Variants in H2BC1 observed in about 807,000 individuals in gnomAD.
The protein encoded by H2BC1 is H2B clustered histone 1.
In H2BC1, 5 loss-of-function variants were observed where a neutral mutation model predicts 5.4. That is an observed-to-expected ratio of 0.92 (90% CI 0.48 to 1.94). The LOEUF is 1.94. Ranked by LOEUF, H2BC1 falls within the 30% of genes most tolerant of loss-of-function variation. H2BC1 has a pLI of 0.01. For missense variants in H2BC1, 210 were observed against 159.1 expected, an observed-to-expected ratio of 1.32 and a Z score of -1.72; for synonymous variants, 131 against 58.2, an observed-to-expected ratio of 2.25 and a Z score of -5.69.
At position 25,726,923 on chromosome 6, in the gene H2BC1, A is replaced by T; in HGVS notation, c.15A>T (p.Ser5=). Residue 5 remains serine (S), a synonymous_variant, in exon 1 of 1, where the codon TCA becomes TCT. Coordinates refer to ENST00000274764, the MANE Select transcript of H2BC1 (RefSeq NM_170610.3). MPEV[S]SKGATISKKG... is the part of the protein sequence containing the mutation. Reference sequence around the variant, plus strand: ...GTGTGGTAGCTATGCCGGAGGTGTCATCTAAAGGTGCTACCATTTCCAAGA... The same window carrying T: ...GTGTGGTAGCTATGCCGGAGGTGTCTTCTAAAGGTGCTACCATTTCCAAGA... The T allele has an allele frequency of 6.2e-7, 1 of 1,613,288 alleles. No individual in the cohort carries two copies. Among genetic ancestry groups the T allele is most frequent in the Non-Finnish European group, 8.5e-7 (1 of 1,179,680 alleles).
In H2BC1 at chr6:25,727,320, C is replaced by T. The variant is rs779958711; in HGVS notation, c.*28C>T. 2 of 1,548,790 alleles carry T rather than the reference C, an allele frequency of 1.3e-6. No homozygotes were observed. The highest frequency in any genetic ancestry group is 1.3e-5 in the South Asian group (1 of 79,500). Reference sequence around the variant, plus strand: ...CTGCTAAGTAAACGTCATTTCTAACCCAAAGGCTCTTTTCAGAGCCACTTA... The same window carrying T: ...CTGCTAAGTAAACGTCATTTCTAACTCAAAGGCTCTTTTCAGAGCCACTTA... On this transcript the variant is annotated 3_prime_UTR_variant, in exon 1 of 1. Coordinates refer to ENST00000274764, the MANE Select transcript of H2BC1 (RefSeq NM_170610.3).
Position 25,726,805 on chromosome 6 carries a change from G to T in H2BC1, c.-104G>T. 3 of 1,371,176 alleles carry T rather than the reference G, an allele frequency of 2.2e-6. No homozygotes were observed. The highest frequency in any genetic ancestry group is 3.0e-6 in the Non-Finnish European group (3 of 1,004,278). The allele number at this position is 1,371,176 out of a possible 1,614,324, so 84.9% of individuals were successfully genotyped here. ...TGTTTACTTGGCGAGACTTGGAGCT[G>T]AGGTCATTTGGAGCTGTTTAATACT... On this transcript the variant is annotated 5_prime_UTR_variant, in exon 1 of 1. Coordinates refer to ENST00000274764, the MANE Select transcript of H2BC1 (RefSeq NM_170610.3).
Position 25,727,300 on chromosome 6 carries a change from A to C in H2BC1, c.*8A>C. 1 of 1,577,358 alleles carries C rather than the reference A, an allele frequency of 6.3e-7. No individual in the cohort carries two copies. The highest frequency in any genetic ancestry group is 8.6e-7 in the Non-Finnish European group (1 of 1,160,968). ...TACACCAGCTCCAAGTAAGCCTGCTAAGTAAACGTCATTTCTAACCCAAAG... is the reference window on the plus strand; with the variant it reads ...TACACCAGCTCCAAGTAAGCCTGCTCAGTAAACGTCATTTCTAACCCAAAG... On this transcript the variant is annotated 3_prime_UTR_variant, in exon 1 of 1. Transcript: ENST00000274764.
Position 25,727,129 on chromosome 6 carries a change from G to A in H2BC1, c.221G>A (p.Arg74His), listed in dbSNP as rs776852235. The change falls in exon 1 of 1, where the codon CGT (arginine) becomes CAT (histidine). Residue 74 changes from arginine (R) to histidine (H), a missense_variant. Physicochemically the swap from Arg to His is conservative, Grantham distance 29. Transcript: ENST00000274764. ...TCCTTCGTCACTGATATCTTTGAGC[G>A]TATAGCGAGCGAGGCATCACGTTTG... ...MNSFVTDIFE[R>H]IASEASRLAH... 1.9e-6 allele frequency: 3 copies of A among 1,614,054 alleles called. No homozygotes were observed. The highest frequency in any genetic ancestry group is 2.7e-5 in the African/African-American group (2 of 74,926).
Position 25,727,130 on chromosome 6 carries a change from T to C in H2BC1, c.222T>C (p.Arg74=), listed in dbSNP as rs373025649. 4 of 1,614,086 alleles carry C rather than the reference T, an allele frequency of 2.5e-6. No individual in the cohort carries two copies. The African/African-American group carries it at 5.3e-5, about 22-fold the overall frequency. Residue 74 remains arginine (R), a synonymous_variant, in exon 1 of 1, where the codon CGT becomes CGC. Coordinates refer to ENST00000274764, the MANE Select transcript of H2BC1 (RefSeq NM_170610.3). ...CCTTCGTCACTGATATCTTTGAGCG[T>C]ATAGCGAGCGAGGCATCACGTTTGG... is the stretch of plus-strand genomic sequence containing the variant. ...MNSFVTDIFE[R]IASEASRLAH...
Position 25,726,865 on chromosome 6 carries a change from C to A in H2BC1, c.-44C>A, listed in dbSNP as rs115737646. 1 of 1,570,942 alleles carries A rather than the reference C, an allele frequency of 6.4e-7. No homozygotes were observed. The highest frequency in any genetic ancestry group is 8.6e-7 in the Non-Finnish European group (1 of 1,161,368). On this transcript the variant is annotated 5_prime_UTR_variant, in exon 1 of 1. Transcript: ENST00000274764. ...TTGAGCACTGGAAAGTGCTGTGTAACCCTGGAAAAGAACCGTGTAACGCTG... is the reference window on the plus strand; with the variant it reads ...TTGAGCACTGGAAAGTGCTGTGTAAACCTGGAAAAGAACCGTGTAACGCTG...
Position 25,726,837 on chromosome 6 carries a change from C to G in H2BC1, c.-72C>G. On this transcript the variant is annotated 5_prime_UTR_variant, in exon 1 of 1. Coordinates refer to ENST00000274764, the MANE Select transcript of H2BC1 (RefSeq NM_170610.3). ...TTTGGAGCTGTTTAATACTGAAGAG[C>G]TGTTGAGCACTGGAAAGTGCTGTGT... 2 of 1,505,452 alleles carry G rather than the reference C, an allele frequency of 1.3e-6. No individual in the cohort carries two copies. Among genetic ancestry groups the G allele is most frequent in the Middle Eastern group, 1.8e-4 (1 of 5,560 alleles). The allele number at this position is 1,505,452 out of a possible 1,614,324, so 93.3% of individuals were successfully genotyped here.
chr6:25,726,782 T>A lies in H2BC1; in HGVS notation c.-127T>A. 1 of 1,266,818 alleles carries A rather than the reference T, an allele frequency of 7.9e-7. No individual in the cohort carries two copies. The highest frequency in any genetic ancestry group is 1.5e-5 in the South Asian group (1 of 67,694). The allele number at this position is 1,266,818 out of a possible 1,614,324, so 78.5% of individuals were successfully genotyped here. ...ATCTTTCATCCTCCAGTTCTGTTTG[T>A]TTACTTGGCGAGACTTGGAGCTGAG... On this transcript the variant is annotated 5_prime_UTR_variant, in exon 1 of 1. Transcript: ENST00000274764.
chr6:25,726,999 C>T lies in H2BC1; in HGVS notation c.91C>T (p.Arg31Cys), dbSNP rs747888176. The T allele has an allele frequency of 4.3e-5, 69 of 1,614,040 alleles. No individual in the cohort carries two copies. Among genetic ancestry groups the T allele is most frequent in the South Asian group, 1.1e-4 (10 of 91,090 alleles). The change falls in exon 1 of 1, where the codon CGC becomes TGC. Residue 31 changes from arginine to cysteine, a missense_variant. Coordinates refer to ENST00000274764, the MANE Select transcript of H2BC1 (RefSeq NM_170610.3). ...GACCCAGAAAAAGGAAGGCAAAAAG[C>T]GCAAGAGGACCCGTAAGGAGAGTTA... ...VKTQKKEGKK[R>C]KRTRKESYSI...
rs1231238184 is a variant in H2BC1 at position 25,726,799 on chromosome 6, G to A, written c.-110G>A. On this transcript the variant is annotated 5_prime_UTR_variant, in exon 1 of 1. Transcript: ENST00000274764. Reference sequence around the variant, plus strand: ...TCTGTTTGTTTACTTGGCGAGACTTGGAGCTGAGGTCATTTGGAGCTGTTT... The same window carrying A: ...TCTGTTTGTTTACTTGGCGAGACTTAGAGCTGAGGTCATTTGGAGCTGTTT... 30 of 1,345,074 alleles carry A rather than the reference G, an allele frequency of 2.2e-5. No individual in the cohort carries two copies. Among genetic ancestry groups the A allele is most frequent in the Middle Eastern group, 2.2e-4 (1 of 4,614 alleles). 83.3% of individuals were successfully genotyped at this position (1,345,074 alleles called of 1,614,324 possible). A position where few individuals can be genotyped will look rare whatever the true frequency, so the allele number is the denominator to read the frequency against.
At position 25,726,835 on chromosome 6, in the gene H2BC1, A is replaced by G; in HGVS notation, c.-74A>G. 6.7e-7 allele frequency: 1 copy of G among 1,502,954 alleles called. No individual in the cohort carries two copies. The highest frequency in any genetic ancestry group is 8.9e-7 in the Non-Finnish European group (1 of 1,117,552). The allele number at this position is 1,502,954 out of a possible 1,614,324, so 93.1% of individuals were successfully genotyped here. On this transcript the variant is annotated 5_prime_UTR_variant, in exon 1 of 1. Transcript: ENST00000274764. ...CATTTGGAGCTGTTTAATACTGAAG[A>G]GCTGTTGAGCACTGGAAAGTGCTGT... is the stretch of plus-strand genomic sequence containing the variant.
chr6:25,726,803 C>A lies in H2BC1; in HGVS notation c.-106C>A. On this transcript the variant is annotated 5_prime_UTR_variant, in exon 1 of 1. In the 5' UTR this introduces an upstream ATG that the reference lacks. Transcript: ENST00000274764. ...TTTGTTTACTTGGCGAGACTTGGAG[C>A]TGAGGTCATTTGGAGCTGTTTAATA... The A allele has an allele frequency of 7.3e-7, 1 of 1,363,182 alleles. No homozygotes were observed. The highest frequency in any genetic ancestry group is 1.0e-6 in the Non-Finnish European group (1 of 997,278). The allele number at this position is 1,363,182 out of a possible 1,614,324, so 84.4% of individuals were successfully genotyped here. A position where few individuals can be genotyped will look rare whatever the true frequency, so the allele number is the denominator to read the frequency against.
rs749704264 is a variant in H2BC1 at position 25,726,989 on chromosome 6, A to G, written c.81A>G (p.Glu27=). Residue 27 remains glutamate, a synonymous_variant, in exon 1 of 1, where the codon GAA becomes GAG. Transcript: ENST00000274764. The part of the protein sequence containing the change: ...KKAVVKTQKK[E]GKKRKRTRKE... ...CTGTCGTTAAGACCCAGAAAAAGGA[A>G]GGCAAAAAGCGCAAGAGGACCCGTA... is the stretch of plus-strand genomic sequence containing the variant. 35 of 1,614,118 alleles carry G rather than the reference A, an allele frequency of 2.2e-5. No individual in the cohort carries two copies. Among genetic ancestry groups the G allele is most frequent in the Non-Finnish European group, 3.0e-5 (35 of 1,180,050 alleles).
rs763430909 is a variant in H2BC1 at position 25,727,187 on chromosome 6, CAGAG to C, written c.283_286del (p.Glu95PhefsTer37). On this transcript the variant is annotated frameshift_variant, in exon 1 of 1. Coordinates refer to ENST00000274764, the MANE Select transcript of H2BC1 (RefSeq NM_170610.3). LOFTEE classifies it high-confidence loss of function. ...ACAGCAAGCGCTCCACCATTTCTTCCAGAGAGATTCAGACAGCAGTGCGCTTGCT... is the reference window on the plus strand; with the variant it reads ...ACAGCAAGCGCTCCACCATTTCTTCCAGATTCAGACAGCAGTGCGCTTGCT... The C allele has an allele frequency of 1.2e-6, 2 of 1,614,026 alleles. No homozygotes were observed. Among genetic ancestry groups the C allele is most frequent in the Non-Finnish European group, 1.7e-6 (2 of 1,180,052 alleles).
At position 25,726,795 on chromosome 6, in the gene H2BC1, A is replaced by G. The variant is rs567310678; in HGVS notation, c.-114A>G. The G allele has an allele frequency of 2.6e-5, 34 of 1,331,248 alleles. No individual in the cohort carries two copies. Among genetic ancestry groups the G allele is most frequent in the Non-Finnish European group, 3.5e-5 (34 of 969,310 alleles). The allele number at this position is 1,331,248 out of a possible 1,614,324, so 82.5% of individuals were successfully genotyped here. A position where few individuals can be genotyped will look rare whatever the true frequency, so the allele number is the denominator to read the frequency against. ...CAGTTCTGTTTGTTTACTTGGCGAG[A>G]CTTGGAGCTGAGGTCATTTGGAGCT... On this transcript the variant is annotated 5_prime_UTR_variant, in exon 1 of 1. Transcript: ENST00000274764.
rs1231508061 is a variant in H2BC1, at chr6:25,726,975, A to G, written c.67A>G (p.Thr23Ala). ...KKGFKKAVVKTQKKEGKKRKR... is the reference protein window; with the variant it reads ...KKGFKKAVVKAQKKEGKKRKR... ...GGGCTTTAAGAAAGCTGTCGTTAAG[A>G]CCCAGAAAAAGGAAGGCAAAAAGCG... The change falls in exon 1 of 1, where the codon ACC becomes GCC. Residue 23 changes from threonine to alanine, a missense_variant. Coordinates refer to ENST00000274764, the MANE Select transcript of H2BC1 (RefSeq NM_170610.3). 7 of 1,614,024 alleles carry G rather than the reference A, an allele frequency of 4.3e-6. No individual in the cohort carries two copies. Among genetic ancestry groups the G allele is most frequent in the African/African-American group, 4.0e-5 (3 of 74,894 alleles).
At position 25,726,805 on chromosome 6, in the gene H2BC1, G is replaced by C; in HGVS notation, c.-104G>C. The C allele has an allele frequency of 7.3e-7, 1 of 1,371,176 alleles. No homozygotes were observed. Among genetic ancestry groups the C allele is most frequent in the Non-Finnish European group, 1.0e-6 (1 of 1,004,278 alleles). The allele number at this position is 1,371,176 out of a possible 1,614,324, so 84.9% of individuals were successfully genotyped here. A position where few individuals can be genotyped will look rare whatever the true frequency, so the allele number is the denominator to read the frequency against. Reference sequence around the variant, plus strand: ...TGTTTACTTGGCGAGACTTGGAGCTGAGGTCATTTGGAGCTGTTTAATACT... The same window carrying C: ...TGTTTACTTGGCGAGACTTGGAGCTCAGGTCATTTGGAGCTGTTTAATACT... On this transcript the variant is annotated 5_prime_UTR_variant, in exon 1 of 1. Coordinates refer to ENST00000274764, the MANE Select transcript of H2BC1 (RefSeq NM_170610.3).
Position 25,726,851 on chromosome 6 carries a change from A to G in H2BC1, c.-58A>G, listed in dbSNP as rs996961406. The G allele has an allele frequency of 1.0e-5, 16 of 1,545,004 alleles. No homozygotes were observed. The highest frequency in any genetic ancestry group is 2.7e-5 in the African/African-American group (2 of 72,798). On this transcript the variant is annotated 5_prime_UTR_variant, in exon 1 of 1. Transcript: ENST00000274764. ...ATACTGAAGAGCTGTTGAGCACTGG[A>G]AAGTGCTGTGTAACCCTGGAAAAGA...
rs376615409 is a variant in H2BC1, at chr6:25,727,082, G to A, written c.174G>A (p.Ser58=). ...TCCATCCGGACACTGGCATCTCTTC[G>A]AAAGCTATGAGCATTATGAATTCCT... ...KQVHPDTGIS[S]KAMSIMNSFV... is the part of the protein sequence containing the mutation. Residue 58 remains serine, a synonymous_variant, in exon 1 of 1, where the codon TCG becomes TCA. Coordinates refer to ENST00000274764, the MANE Select transcript of H2BC1 (RefSeq NM_170610.3). 1.5e-5 allele frequency: 24 copies of A among 1,614,092 alleles called. No homozygotes were observed. The highest frequency in any genetic ancestry group is 3.3e-5 in the Admixed American group (2 of 60,012).
Sources: allele counts gnomAD v4.1 joint callset, GRCh38; gene constraint gnomAD v4.1.1; transcripts MANE v1.5; gene names NCBI Gene and HGNC (gene_info 2026-07-23, HGNC 2026-07-21).